Variants in PUDP observed in about 807,000 individuals in gnomAD.
PUDP encodes the protein pseudouridine-5'-phosphatase.
In PUDP, 8 loss-of-function variants were observed where a neutral mutation model predicts 9.4. The observed-to-expected ratio is 0.85, with a 90% CI of 0.50 to 1.53. The LOEUF (loss-of-function observed/expected upper bound fraction) is 1.53, where lower values mean the gene tolerates loss of function less well. Ranked by LOEUF, PUDP falls within the 40% of genes most tolerant of loss-of-function variation. The pLI, the probability that PUDP is intolerant of heterozygous loss-of-function variation, is 0.00. For synonymous variants in PUDP, 99 were observed against 80.7 expected, an observed-to-expected ratio of 1.23 and a Z score of -1.22; for missense variants, 188 against 189.7, an observed-to-expected ratio of 0.99 and a Z score of 0.05.
intron 3 of PUDP, among the ~76,000 whole-genome samples, chrX:6,898,721 A>C (rs938804897): frequency 8.9e-6 from 1 of 111,884 alleles, no homozygotes; most frequent in Non-Finnish European, 1.9e-5. Context: ...TTTTCTGGAC[A>C]CTGAAATTTT....
At position 6,971,721 on chromosome X, in the gene PUDP, G is replaced by A. The variant is rs988789494; in HGVS notation, c.*247+5412C>T. Reference sequence around the variant, plus strand: ...TTACAGGCGTGAGCCACTGCGCCTGGCCTAAAGTAGTTTTTTCTAATTCTG... The same window carrying A: ...TTACAGGCGTGAGCCACTGCGCCTGACCTAAAGTAGTTTTTTCTAATTCTG... On this transcript the variant is annotated intron_variant and NMD_transcript_variant, in intron 3 of 3. Coordinates refer to the PUDP transcript ENST00000655425. 8.1e-5 allele frequency among the ~76,000 whole-genome samples: 9 copies of A among 111,220 alleles called. No individual in the cohort carries two copies. In the Admixed American group the frequency reaches 8.6e-4, roughly 11 times the overall value.
At chrX:6,848,575 T>C (rs1926782069) in intron 3 of PUDP, among the ~76,000 whole-genome samples, 1 of 111,910 alleles carries the variant, frequency 8.9e-6, no homozygotes, top group Admixed American at 9.5e-5. Context: ...GAGACAATGA[T>C]GTGATTTGGA....
intron 1 of PUDP, among the ~76,000 whole-genome samples, chrX:7,143,705 G>A (rs1342926966): frequency 9.0e-6 from 1 of 111,526 alleles, no homozygotes; most frequent in Non-Finnish European, 1.9e-5. Context: ...AAATCTCTTC[G>A]GACCCTTAAT....
chrX:6,943,799 C>T lies in PUDP; in HGVS notation c.*247+33334G>A, dbSNP rs1433023949. 2.7e-5 allele frequency among the ~76,000 whole-genome samples: 3 copies of T among 111,550 alleles called. No homozygotes were observed. In the East Asian group the frequency reaches 8.4e-4, roughly 31 times the overall value. ...GCTGCATTTCCAACACTTCACAAAG[C>T]ATTGAACACACTGCCACTGGAGGCA... On this transcript the variant is annotated intron_variant and NMD_transcript_variant, in intron 3 of 3. Coordinates refer to the PUDP transcript ENST00000655425.
rs1930058996 is a variant in PUDP at position 7,050,258 on chromosome X, G to A, written c.*38C>T. On this transcript the variant is annotated 3_prime_UTR_variant, in exon 4 of 4. Coordinates refer to ENST00000381077, the MANE Select transcript of PUDP (RefSeq NM_012080.5). ...CCTTTCCCCCAGCAGTGTGGACCAT[G>A]AGAGTGGGCTGGGGGCGGAAGACTG... is the stretch of plus-strand genomic sequence containing the variant. The A allele has an allele frequency of 1.7e-6, 2 of 1,174,913 alleles. No homozygotes were observed. Among genetic ancestry groups the A allele is most frequent in the Non-Finnish European group, 2.3e-6 (2 of 866,728 alleles).
intron 3 of PUDP, among the ~76,000 whole-genome samples, chrX:6,794,685 G>A (rs368634105): frequency 9.3e-6 from 1 of 107,327 alleles, no homozygotes; most frequent in African/African-American, 3.4e-5. Flanking sequence ...TCAGCCTCCC[G>A]AGTAGCTGGA....
chrX:6,846,358 G>A (rs909049039), intron 3 of PUDP, among the ~76,000 whole-genome samples: 9 of 106,414 alleles, frequency 8.5e-5, no homozygotes, highest in Admixed American at 3.0e-4. Flanking sequence ...TGCAGTGAGC[G>A]GAGATCGTGC....
At chrX:6,988,820 G>C (rs1304594860) in intron 1 of PUDP, among the ~76,000 whole-genome samples, 2 of 110,957 alleles carry the variant, frequency 1.8e-5, no homozygotes, top group Admixed American at 9.6e-5. Context: ...GCCCAGGAGA[G>C]GCCTGGGCAA....
chrX:7,097,692 C>T (rs1380605940), intron 2 of PUDP, among the ~76,000 whole-genome samples: 2 of 111,295 alleles, frequency 1.8e-5, no homozygotes, highest in Non-Finnish European at 3.8e-5. Flanking sequence ...ACTACATGCA[C>T]GAGAGTTCAG....
intron 3 of PUDP, among the ~76,000 whole-genome samples, chrX:6,734,496 G>A (rs980693549): frequency 8.9e-6 from 1 of 111,987 alleles, no homozygotes; most frequent in Non-Finnish European, 1.9e-5. Flanking sequence ...TATTAGGCCC[G>A]GTGGGCTGGC....
intron 3 of PUDP, among the ~76,000 whole-genome samples, chrX:6,924,518 A>C (rs891872793): frequency 8.9e-6 from 1 of 112,049 alleles, no homozygotes; most frequent in Non-Finnish European, 1.9e-5. Flanking sequence ...TATCTTGGGG[A>C]TGAGGCCTTG....
intron 1 of PUDP, among the ~76,000 whole-genome samples, chrX:7,034,395 AT>A (rs1020448991): frequency 9.0e-6 from 1 of 111,437 alleles, no homozygotes; most frequent in Non-Finnish European, 1.9e-5. Flanking sequence ...CTATGTGGAC[AT>A]TTTTTTCAAC....
At chrX:7,024,090 T>A (rs945162959) in intron 1 of PUDP, among the ~76,000 whole-genome samples, 1 of 112,037 alleles carries the variant, frequency 8.9e-6, no homozygotes, top group African/African-American at 3.2e-5. Flanking sequence ...TTCTAGTAGC[T>A]TTTTTGTATA....
At chrX:6,792,284 C>G (rs1925761032) in intron 3 of PUDP, among the ~76,000 whole-genome samples, 1 of 109,799 alleles carries the variant, frequency 9.1e-6, no homozygotes, top group Admixed American at 9.9e-5. Flanking sequence ...GTATGTACCC[C>G]CTACCCAAGT....
chrX:6,810,604 C>G (rs1200164888), intron 3 of PUDP, among the ~76,000 whole-genome samples: 1 of 111,417 alleles, frequency 9.0e-6, no homozygotes, highest in Admixed American at 9.6e-5. Context: ...CTATGAATTC[C>G]CAAAATGCTC....
intron 3 of PUDP, among the ~76,000 whole-genome samples, chrX:6,941,131 C>T (rs779086583): frequency 9.0e-6 from 1 of 110,603 alleles, no homozygotes; most frequent in South Asian, 3.8e-4. Context: ...CTGCAATCCA[C>T]TTAATCAATG....
intron 3 of PUDP, among the ~76,000 whole-genome samples, chrX:6,934,567 G>T (rs1345232639): frequency 9.1e-6 from 1 of 109,580 alleles, no homozygotes; most frequent in Non-Finnish European, 1.9e-5. Flanking sequence ...GGAAGAAATT[G>T]CATCGACTAA....
chrX:6,805,369 T>A (rs955308963), intron 3 of PUDP, among the ~76,000 whole-genome samples: 9 of 109,944 alleles, frequency 8.2e-5, no homozygotes, highest in Non-Finnish European at 1.9e-5. Flanking sequence ...AGGTGAGGGG[T>A]TAGGTCTAGC....
At chrX:6,945,904 T>G (rs1928457542) in intron 3 of PUDP, among the ~76,000 whole-genome samples, 1 of 111,244 alleles carries the variant, frequency 9.0e-6, no homozygotes, top group African/African-American at 3.3e-5. Flanking sequence ...CCTTGAAAAC[T>G]GAAGGCCACG....
Sources: allele counts gnomAD v4.1 joint callset (sites outside exome capture counted in the v4.1 genomes callset), GRCh38; gene constraint gnomAD v4.1.1; transcripts MANE v1.5; gene names NCBI Gene and HGNC (gene_info 2026-07-23, HGNC 2026-07-21).